The following PCDH7 variants were observed in gnomAD, a reference collection of about 807,000 sequenced individuals.
PCDH7 encodes protocadherin 7.
In PCDH7, 17 loss-of-function variants were observed where a neutral mutation model predicts 58.9. That is an observed-to-expected ratio of 0.29 (90% CI 0.20 to 0.43). The LOEUF is 0.43. PCDH7 is among the 20% of genes least tolerant of loss of function. The pLI is 1.00. For synonymous variants in PCDH7, 664 were observed against 616.4 expected, an observed-to-expected ratio of 1.08 and a Z score of -1.14; for missense variants, 1,274 against 1,441.0, an observed-to-expected ratio of 0.88 and a Z score of 1.88.
intron 1 of PCDH7, among the ~76,000 whole-genome samples, chr4:30,819,010 T>A (rs1355392935): frequency 6.6e-6 from 1 of 152,186 alleles, no homozygotes; most frequent in African/African-American, 2.4e-5. Context: ...AAAGACACCT[T>A]TCACAGTGCA....
chr4:30,863,592 G>A (rs556559045), intron 1 of PCDH7, among the ~76,000 whole-genome samples: 4 of 152,190 alleles, frequency 2.6e-5, no homozygotes, highest in South Asian at 2.1e-4. Context: ...GCCTCCTGAC[G>A]TATCTTACAG....
intron 3 of PCDH7, among the ~76,000 whole-genome samples, chr4:31,036,998 C>T (rs1755463147): frequency 6.6e-6 from 1 of 151,982 alleles, no homozygotes; most frequent in Non-Finnish European, 1.5e-5. Flanking sequence ...GATCCACCCC[C>T]CTGATTCAAT....
chr4:31,051,479 A>G (rs913962055), intron 3 of PCDH7, among the ~76,000 whole-genome samples: 3 of 152,184 alleles, frequency 2.0e-5, no homozygotes, highest in African/African-American at 4.8e-5. Flanking sequence ...GCTTCCAGCC[A>G]TAGAATAATA....
chr4:31,084,320 A>G (rs1167510729), intron 3 of PCDH7, among the ~76,000 whole-genome samples: 4 of 152,170 alleles, frequency 2.6e-5, no homozygotes, highest in Admixed American at 6.5e-5. Flanking sequence ...GTTCATTTGT[A>G]GGGACAGGAA....
chr4:31,144,404 G>A (rs1720542719), downstream of PCDH7: 1 of 152,196 alleles, frequency 6.6e-6, no homozygotes, highest in Admixed American at 6.6e-5. Context: ...TCACTCTATA[G>A]AGGATAACCT....
chr4:30,723,144 G>T lies in PCDH7; in HGVS notation c.1722G>T (p.Leu574=), dbSNP rs373673943. 10 of 1,613,976 alleles carry T rather than the reference G, an allele frequency of 6.2e-6. No homozygotes were observed. The highest frequency in any genetic ancestry group is 8.5e-6 in the Non-Finnish European group (10 of 1,180,056). The change falls in exon 1 of 2, where the codon CTG becomes CTT. Residue 574 remains leucine, a synonymous_variant. Coordinates refer to ENST00000361762, the Ensembl canonical transcript of PCDH7. The surrounding 1 kb of genome is among the most constrained non-coding windows in gnomAD (Gnocchi z 4.6). ...AGAACGCCGAGATCGCCTACTCGCT[G>T]GACTCCTCTGTGATGGGGATCTTTG...
intron 1 of PCDH7, among the ~76,000 whole-genome samples, chr4:30,891,850 G>A (rs921474365): frequency 6.6e-6 from 1 of 151,562 alleles, no homozygotes; most frequent in Non-Finnish European, 1.5e-5. Flanking sequence ...AGAAAACATG[G>A]GGGTGATGCC....
At chr4:31,133,769 C>T (rs761920857) in intron 3 of PCDH7, among the ~76,000 whole-genome samples, 10 of 152,142 alleles carry the variant, frequency 6.6e-5, no homozygotes, top group Admixed American at 1.3e-4. Context: ...GTTGATTCAG[C>T]AAGACTGCTT....
intron 3 of PCDH7, among the ~76,000 whole-genome samples, chr4:31,121,136 G>A (rs1578853285): frequency 6.6e-6 from 1 of 152,166 alleles, no homozygotes. Context: ...TAAAGATAAA[G>A]AGATGTTTTG....
chr4:30,794,617 TA>T (rs1322801704), intron 1 of PCDH7, among the ~76,000 whole-genome samples: 1 of 135,682 alleles, frequency 7.4e-6, no homozygotes, highest in Non-Finnish European at 1.5e-5. Flanking sequence ...CATTTAAGTT[TA>T]ATTTTTTTTT....
intron 1 of PCDH7, among the ~76,000 whole-genome samples, chr4:30,763,897 T>C (rs1271201398): frequency 6.6e-6 from 1 of 152,176 alleles, no homozygotes; most frequent in Non-Finnish European, 1.5e-5. Flanking sequence ...AAAATGAAAC[T>C]GAGAAACAAG....
intron 1 of PCDH7, among the ~76,000 whole-genome samples, chr4:30,793,040 C>T (rs1560375581): frequency 1.3e-5 from 2 of 152,092 alleles, no homozygotes; most frequent in Admixed American, 6.6e-5. Flanking sequence ...AAGAAAGACA[C>T]TGGTAATATT....
intron 3 of PCDH7, among the ~76,000 whole-genome samples, chr4:30,988,343 ATTAG>A (rs944998033): frequency 3.3e-5 from 5 of 152,214 alleles, no homozygotes; most frequent in Non-Finnish European, 5.9e-5. Context: ...ATTGTAATAT[ATTAG>A]TTAGATAGAT....
intron 3 of PCDH7, among the ~76,000 whole-genome samples, chr4:31,112,441 A>G (rs1299482932): frequency 6.6e-6 from 1 of 152,198 alleles, no homozygotes; most frequent in Non-Finnish European, 1.5e-5. Flanking sequence ...GCAAATTTAT[A>G]ATATTTAATA....
At chr4:30,791,834 T>A (rs1307164854) in intron 1 of PCDH7, among the ~76,000 whole-genome samples, 4 of 152,132 alleles carry the variant, frequency 2.6e-5, no homozygotes, top group African/African-American at 9.7e-5. Context: ...TTTTTGAAAA[T>A]CACTTTATCC....
At chr4:31,024,745 T>C (rs1261813604) in intron 3 of PCDH7, among the ~76,000 whole-genome samples, 2 of 152,132 alleles carry the variant, frequency 1.3e-5, no homozygotes, top group Admixed American at 6.6e-5. Flanking sequence ...CTGTGACTTT[T>C]TATTTTTATT....
At chr4:30,814,236 C>G (rs963598957) in intron 1 of PCDH7, among the ~76,000 whole-genome samples, 4 of 151,654 alleles carry the variant, frequency 2.6e-5, no homozygotes, top group African/African-American at 9.7e-5. Context: ...TGTGTATATA[C>G]AAATATAAGT....
intron 1 of PCDH7, among the ~76,000 whole-genome samples, chr4:30,855,967 C>A (rs930057951): frequency 6.6e-6 from 1 of 152,108 alleles, no homozygotes; most frequent in Non-Finnish European, 1.5e-5. Context: ...TAATCATCAA[C>A]TGAATGCAGT....
intron 1 of PCDH7, among the ~76,000 whole-genome samples, chr4:30,817,671 AT>A (rs892578045): frequency 7.6e-4 from 111 of 145,820 alleles, no homozygotes; most frequent in African/African-American, 1.6e-3. Context: ...GATATGGTGG[AT>A]TTTTTTTTTT....
Sources: allele counts gnomAD v4.1 joint callset (sites outside exome capture counted in the v4.1 genomes callset), GRCh38; gene constraint gnomAD v4.1.1; non-coding constraint Gnocchi (gnomAD v3.1); transcripts MANE v1.5; gene names NCBI Gene and HGNC (gene_info 2026-07-23, HGNC 2026-07-21).